Variants in RNLS observed in about 807,000 individuals in gnomAD.
RNLS encodes renalase.
RNLS carries 39 observed loss-of-function variants against 39.8 expected under a neutral mutation model. That is an observed-to-expected ratio of 0.98 (90% confidence interval 0.76 to 1.28). The LOEUF (loss-of-function observed/expected upper bound fraction) is 1.28. Ranked by LOEUF, RNLS falls within the 50% of genes most tolerant of loss-of-function variation. RNLS has a pLI of 0.00. For missense variants in RNLS, 410 were observed against 413.3 expected (o/e 0.99, Z 0.07); for synonymous variants, 147 against 150.7 (o/e 0.98, Z 0.18).
the RNLS span, among the ~76,000 whole-genome samples, chr10:88,185,862 G>A: frequency 1.8e-4 from 27 of 152,184 alleles, no homozygotes; most frequent in African/African-American, 6.0e-4. Context: ...TGCATCAAAT[G>A]CATTAAAAAA....
intron 4 of RNLS, among the ~76,000 whole-genome samples, chr10:88,420,766 C>A (rs1854357844): frequency 6.6e-6 from 1 of 152,228 alleles, no homozygotes; most frequent in Non-Finnish European, 1.5e-5. Context: ...GAGGAAGCAT[C>A]CTTCAATTTA....
chr10:88,557,709 T>C (rs1848949991), intron 4 of RNLS, among the ~76,000 whole-genome samples: 1 of 152,210 alleles, frequency 6.6e-6, no homozygotes, highest in South Asian at 2.1e-4. Context: ...CTTATTTGGA[T>C]TTAGCACATT....
chr10:88,231,550 A>G, the RNLS span, among the ~76,000 whole-genome samples: 1 of 152,184 alleles, frequency 6.6e-6, no homozygotes, highest in Non-Finnish European at 1.5e-5. Context: ...GATTTAGTGG[A>G]ATAAATTTCT....
the RNLS span, among the ~76,000 whole-genome samples, chr10:88,265,323 CTTT>C: frequency 0.096 from 5,697 of 59,362 alleles, 162 homozygotes; most frequent in East Asian, 0.25. Context: ...CAGGGTTTTT[CTTT>C]TTTTTTTTTT....
chr10:88,537,345 C>T (rs1283707315), intron 4 of RNLS, among the ~76,000 whole-genome samples: 1 of 152,156 alleles, frequency 6.6e-6, no homozygotes, highest in Non-Finnish European at 1.5e-5. Flanking sequence ...TAATCTCCTA[C>T]AGCCAAGTAT....
At chr10:88,378,827 A>G (rs1456544076) in intron 4 of RNLS, among the ~76,000 whole-genome samples, 1 of 152,200 alleles carries the variant, frequency 6.6e-6, no homozygotes, top group Non-Finnish European at 1.5e-5. Flanking sequence ...AAATTATAAT[A>G]AATTTGTATT....
At chr10:88,224,395 A>G in the RNLS span, among the ~76,000 whole-genome samples, 1 of 152,224 alleles carries the variant, frequency 6.6e-6, no homozygotes, top group East Asian at 1.9e-4. Context: ...TTCAGATCAT[A>G]GCAAAGGGTA....
At chr10:88,467,251 CA>C (rs1190689585) in intron 4 of RNLS, among the ~76,000 whole-genome samples, 1 of 151,072 alleles carries the variant, frequency 6.6e-6, no homozygotes, top group Non-Finnish European at 1.5e-5. Context: ...AAGTTTTTTT[CA>C]AAAAAGTCCA....
In RNLS at chr10:88,329,838, G is replaced by A. The variant is rs186809827; in HGVS notation, c.701-15197C>T. Among the ~76,000 whole-genome samples, 17 of 151,464 alleles carry A rather than the reference G, an allele frequency of 1.1e-4. No homozygotes were observed. In the East Asian group the frequency reaches 1.2e-3, roughly 10 times the overall value. ...ATTATTTTATTTTTCATTTGTAAAC[G>A]TTCTATTTGGCTCTTTTTCAAATCT... On this transcript the variant is annotated intron_variant, in intron 5 of 6. Coordinates refer to ENST00000331772, the MANE Select transcript of RNLS (RefSeq NM_001031709.3).
intron 4 of RNLS, among the ~76,000 whole-genome samples, chr10:88,458,033 T>TTAC (rs1308165581): frequency 6.6e-6 from 1 of 152,196 alleles, no homozygotes. Flanking sequence ...TAAGCCTGAA[T>TTAC]GGTAACATTT....
intron 4 of RNLS, among the ~76,000 whole-genome samples, chr10:88,401,969 A>G (rs1234882228): frequency 6.6e-6 from 1 of 152,012 alleles, no homozygotes; most frequent in Non-Finnish European, 1.5e-5. Context: ...ACAGGATCCT[A>G]TTCCACACTA....
intron 4 of RNLS, among the ~76,000 whole-genome samples, chr10:88,491,638 A>G (rs1280091405): frequency 1.3e-5 from 2 of 152,208 alleles, no homozygotes; most frequent in Admixed American, 6.5e-5. Flanking sequence ...ACTATGGCCT[A>G]TATTTCAAAA....
the RNLS span, among the ~76,000 whole-genome samples, chr10:88,249,121 A>G: frequency 2.0e-5 from 3 of 152,228 alleles, no homozygotes; most frequent in Admixed American, 6.5e-5. Context: ...ATGGAAGGCA[A>G]TAGCAGAAGA....
rs879289281 is a variant in RNLS at position 88,566,544 on chromosome 10, A to ATTAG, written c.526+6355_526+6358dup. Among the ~76,000 whole-genome samples the ATTAG allele has an allele frequency of 2.4e-4, 37 of 152,328 alleles. No individual in the cohort carries two copies. In the East Asian group the frequency reaches 4.6e-3, roughly 19 times the overall value. On this transcript the variant is annotated intron_variant, in intron 4 of 6. Coordinates refer to ENST00000331772, the MANE Select transcript of RNLS (RefSeq NM_001031709.3). Reference sequence around the variant, plus strand: ...TCAGAAAAATTTTGCCAGGAAGCAAATTAGTTCAACAAACACTCGGGCATT... The same window carrying ATTAG: ...TCAGAAAAATTTTGCCAGGAAGCAAATTAGTTAGTTCAACAAACACTCGGGCATT...
Position 88,582,957 on chromosome 10 carries a change from A to G in RNLS, c.118+116T>C, listed in dbSNP as rs972082766. On this transcript the variant is annotated intron_variant, in intron 1 of 6. Transcript: ENST00000331772. ...CATGGGCCGCGCTACACGGCCGCTC[A>G]GGGAGCTGAGGGTATAGCGTTTTCG... 2.6e-5 allele frequency: 31 copies of G among 1,207,750 alleles called. No homozygotes were observed. In the African/African-American group the frequency reaches 4.3e-4, roughly 17 times the overall value. 74.8% of individuals were successfully genotyped at this position (1,207,750 alleles called of 1,614,324 possible).
chr10:88,439,813 T>C (rs1168531634), intron 4 of RNLS, among the ~76,000 whole-genome samples: 1 of 152,212 alleles, frequency 6.6e-6, no homozygotes, highest in Non-Finnish European at 1.5e-5. Context: ...TTGTTTCAAT[T>C]AAATTCACTG....
At chr10:88,510,908 C>T (rs971329937) in intron 4 of RNLS, among the ~76,000 whole-genome samples, 1 of 148,414 alleles carries the variant, frequency 6.7e-6, no homozygotes, top group Non-Finnish European at 1.5e-5. Flanking sequence ...ATATAAAATA[C>T]TAATATATTA....
At chr10:88,231,812 A>G in the RNLS span, among the ~76,000 whole-genome samples, 1 of 152,216 alleles carries the variant, frequency 6.6e-6, no homozygotes, top group South Asian at 2.1e-4. Flanking sequence ...GACATGTTGT[A>G]TCTGTATCCA....
At chr10:88,384,930 C>T (rs1192644818) in intron 4 of RNLS, among the ~76,000 whole-genome samples, 1 of 152,228 alleles carries the variant, frequency 6.6e-6, no homozygotes, top group Non-Finnish European at 1.5e-5. Context: ...CTTAGGCTTA[C>T]ACCTAGCTTT....
Sources: gnomAD v4.1 joint callset for allele counts (sites outside exome capture counted in the v4.1 genomes callset) on GRCh38, gnomAD v4.1.1 for gene constraint, MANE v1.5 for transcripts, NCBI Gene and HGNC (gene_info 2026-07-23, HGNC 2026-07-21) for gene names.